The following PKIB variants were observed in gnomAD, a reference collection of about 807,000 sequenced individuals.
PKIB encodes cAMP-dependent protein kinase inhibitor beta, also known as PKI-beta.
A neutral mutation model predicts 4.5 loss-of-function variants in PKIB; 2 were observed. The observed-to-expected ratio is 0.44, with a 90% CI of 0.18 to 1.39. The LOEUF is 1.39. Ranked by LOEUF, PKIB falls within the 40% of genes most tolerant of loss-of-function variation. The pLI is 0.27. For synonymous variants in PKIB, 38 were observed against 36.0 expected, an observed-to-expected ratio of 1.06 and a Z score of -0.20; for missense variants, 94 against 92.6, an observed-to-expected ratio of 1.02 and a Z score of -0.06.
At chr6:122,608,273 T>C (rs1278076170), upstream of PKIB, among the ~76,000 whole-genome samples, 2 of 152,226 alleles carry the variant, frequency 1.3e-5, no homozygotes, top group East Asian at 3.9e-4. Context: ...TTAAAAATAG[T>C]ATCCAAGCTT....
At chr6:122,585,452 C>T (rs1399002632) in intron 2 of PKIB, 2 of 152,004 alleles carry the variant, frequency 1.3e-5, no homozygotes, top group African/African-American at 2.4e-5. Flanking sequence ...CTAAAAGGGG[C>T]CAGAGATAAT....
upstream of PKIB, among the ~76,000 whole-genome samples, chr6:122,608,078 C>T (rs1159481307): frequency 1.3e-5 from 2 of 152,208 alleles, no homozygotes; most frequent in African/African-American, 4.8e-5. Flanking sequence ...CAACCCCACC[C>T]TTAGCTCTTC....
chr6:122,575,266 G>T (rs1019920256), intron 2 of PKIB, among the ~76,000 whole-genome samples: 1 of 152,142 alleles, frequency 6.6e-6, no homozygotes, highest in African/African-American at 2.4e-5. Flanking sequence ...TGTTGGCATG[G>T]ATGTGGTGAA....
intron 2 of PKIB, among the ~76,000 whole-genome samples, chr6:122,503,920 A>G (rs1179923958): frequency 6.6e-6 from 1 of 152,228 alleles, no homozygotes; most frequent in Non-Finnish European, 1.5e-5. Context: ...ATTTAGTCAA[A>G]CATGTTCAAC....
intron 2 of PKIB, among the ~76,000 whole-genome samples, chr6:122,579,722 A>T (rs1438690228): frequency 6.6e-6 from 1 of 152,228 alleles, no homozygotes; most frequent in South Asian, 2.1e-4. Context: ...ATGTATCAAG[A>T]TCAGGTTGTA....
chr6:122,482,321 A>G (rs893930619), intron 2 of PKIB: 5 of 152,232 alleles, frequency 3.3e-5, no homozygotes, highest in African/African-American at 1.2e-4. Context: ...TGAGAAAGGA[A>G]AAAGGAGTTG....
chr6:122,635,194 T>G (rs1277430222), intron 2 of PKIB, among the ~76,000 whole-genome samples: 1 of 152,194 alleles, frequency 6.6e-6, no homozygotes, highest in African/African-American at 2.4e-5. Flanking sequence ...CATAATCTTC[T>G]TTAATTCTTA....
At chr6:122,693,347 T>G (rs1778428709) in intron 3 of PKIB, among the ~76,000 whole-genome samples, 1 of 152,222 alleles carries the variant, frequency 6.6e-6, no homozygotes, top group South Asian at 2.1e-4. Context: ...TTATCTTTAA[T>G]TATACTAATT....
chr6:122,720,944 C>T (rs564463056), intron 4 of PKIB, among the ~76,000 whole-genome samples: 3 of 152,276 alleles, frequency 2.0e-5, no homozygotes, highest in South Asian at 2.1e-4. Flanking sequence ...TCAGGTGATC[C>T]GCCTGCCTTG....
At chr6:122,715,331 T>G (rs1302851775) in intron 3 of PKIB, among the ~76,000 whole-genome samples, 1 of 152,078 alleles carries the variant, frequency 6.6e-6, no homozygotes, top group Admixed American at 6.6e-5. Context: ...GCTGTTCCTT[T>G]AAGACCAGCA....
intron 3 of PKIB, among the ~76,000 whole-genome samples, chr6:122,712,590 AT>A (rs963605335): frequency 6.6e-6 from 1 of 152,078 alleles, no homozygotes; most frequent in Non-Finnish European, 1.5e-5. Flanking sequence ...AAGCACTGAC[AT>A]TTTTTCCAAA....
chr6:122,501,637 G>A (rs1056096038), intron 2 of PKIB, among the ~76,000 whole-genome samples: 1 of 152,212 alleles, frequency 6.6e-6, no homozygotes, highest in African/African-American at 2.4e-5. Context: ...GCATAGAGCA[G>A]TGGGGCCCTG....
intron 3 of PKIB, among the ~76,000 whole-genome samples, chr6:122,707,769 A>G (rs1043321697): frequency 3.3e-5 from 5 of 152,322 alleles, no homozygotes; most frequent in Middle Eastern, 6.8e-3. Flanking sequence ...GCTTCAAACT[A>G]AATGGTGTGT....
chr6:122,710,382 C>G (rs1381990496), intron 3 of PKIB, among the ~76,000 whole-genome samples: 5 of 152,084 alleles, frequency 3.3e-5, no homozygotes, highest in Non-Finnish European at 7.4e-5. Context: ...ACTTCAAAAT[C>G]ACATTGTACA....
chr6:122,532,583 G>T (rs1470187280), intron 2 of PKIB, among the ~76,000 whole-genome samples: 1 of 152,060 alleles, frequency 6.6e-6, no homozygotes, highest in Admixed American at 6.5e-5. Context: ...CTGTGAATTT[G>T]ACTATCCTAT....
intron 2 of PKIB, among the ~76,000 whole-genome samples, chr6:122,494,066 A>G (rs1308921543): frequency 1.3e-5 from 2 of 152,150 alleles, no homozygotes; most frequent in Non-Finnish European, 2.9e-5. Flanking sequence ...CCTATTAGTA[A>G]TTTAAAATCA....
chr6:122,681,981 G>A (rs902273926), intron 3 of PKIB, among the ~76,000 whole-genome samples: 1 of 152,208 alleles, frequency 6.6e-6, no homozygotes, highest in Non-Finnish European at 1.5e-5. Flanking sequence ...TGATTGAACT[G>A]TGGGATGGAG....
intron 3 of PKIB, among the ~76,000 whole-genome samples, chr6:122,703,319 G>A (rs904246719): frequency 2.0e-5 from 3 of 151,940 alleles, no homozygotes; most frequent in African/African-American, 7.2e-5. Flanking sequence ...ATTTTAATGG[G>A]AAAATGCTTA....
At chr6:122,656,569 C>T (rs1355446232) in intron 2 of PKIB, among the ~76,000 whole-genome samples, 1 of 152,170 alleles carries the variant, frequency 6.6e-6, no homozygotes, top group African/African-American at 2.4e-5. Context: ...CTGGCTGTCA[C>T]TGCCCCTGAC....
Sources: allele counts gnomAD v4.1 joint callset (sites outside exome capture counted in the v4.1 genomes callset), GRCh38; gene constraint gnomAD v4.1.1; transcripts MANE v1.5; gene names NCBI Gene and HGNC (gene_info 2026-07-23, HGNC 2026-07-21).